The following CRYBG1 variants were observed in gnomAD, a reference collection of about 807,000 sequenced individuals.
CRYBG1 encodes beta/gamma crystallin domain-containing protein 1.
Under a neutral mutation model 189.2 loss-of-function variants are expected in CRYBG1, and 139 were observed. The observed-to-expected ratio is 0.73, with a 90% CI of 0.64 to 0.85. CRYBG1 has a LOEUF of 0.85. CRYBG1 is among the 40% of genes least tolerant of loss of function. The probability of loss-of-function intolerance (pLI) is 0.00; values close to 1 mark genes in which losing one functional copy is unlikely to be tolerated. For synonymous variants in CRYBG1, 1,023 were observed against 1,017.1 expected, an observed-to-expected ratio of 1.01 and a Z score of -0.11; for missense variants, 2,611 against 2,675.8, an observed-to-expected ratio of 0.98 and a Z score of 0.53.
At chr6:106,515,204 A>G (rs1377297769) in intron 3 of CRYBG1, among the ~76,000 whole-genome samples, 5 of 152,344 alleles carry the variant, frequency 3.3e-5, no homozygotes, top group Non-Finnish European at 7.4e-5. Context: ...TTTTCCTCTT[A>G]TAATATAACT....
At chr6:106,537,596 A>T (rs570724163) in intron 8 of CRYBG1, among the ~76,000 whole-genome samples, 1 of 152,324 alleles carries the variant, frequency 6.6e-6, no homozygotes, top group Non-Finnish European at 1.5e-5. Flanking sequence ...TTTTTGAAGC[A>T]TAACATTTGT....
chr6:106,437,036 T>C (rs1276052066), intron 1 of CRYBG1, among the ~76,000 whole-genome samples: 1 of 152,022 alleles, frequency 6.6e-6, no homozygotes. Flanking sequence ...ACAAGATTCG[T>C]TTGAGACTGC....
chr6:106,456,150 CTTGTTTTTGTT>C (rs1771884084), intron 2 of CRYBG1, among the ~76,000 whole-genome samples: 1 of 152,090 alleles, frequency 6.6e-6, no homozygotes, highest in Non-Finnish European at 1.5e-5. Flanking sequence ...TTTTTGACAG[CTTGTTTTTGTT>C]TTTGTTTTTT....
chr6:106,542,961 T>C (rs934063797), intron 10 of CRYBG1, among the ~76,000 whole-genome samples: 1 of 149,692 alleles, frequency 6.7e-6, no homozygotes, highest in Non-Finnish European at 1.5e-5. Flanking sequence ...GTTAATTTTT[T>C]AAAATATGAT....
At chr6:106,544,463 C>A in intron 11 of CRYBG1, 108 bp from the exon 12 acceptor site, 1 of 1,275,556 alleles carries the variant, frequency 7.8e-7, no homozygotes, top group Non-Finnish European at 1.1e-6. Context: ...AGCAGAAGGT[C>A]ATGTCTAGCT....
intron 11 of CRYBG1, among the ~76,000 whole-genome samples, chr6:106,544,133 A>C (rs17067226): frequency 0.033 from 5,013 of 152,358 alleles, 281 homozygotes; most frequent in East Asian, 0.19. Flanking sequence ...GCTATTGAAC[A>C]GTTTGATAGT....
chr6:106,527,079 A>G (rs1773757331), intron 6 of CRYBG1, among the ~76,000 whole-genome samples: 1 of 151,840 alleles, frequency 6.6e-6, no homozygotes, highest in Non-Finnish European at 1.5e-5. Flanking sequence ...CATATAGGTA[A>G]CTCCAAAGTT....
At chr6:106,398,768 A>G (rs1770664151) in intron 1 of CRYBG1, among the ~76,000 whole-genome samples, 1 of 151,866 alleles carries the variant, frequency 6.6e-6, no homozygotes, top group South Asian at 2.1e-4. Context: ...TCTCTTTTTC[A>G]TATCTTCTTA....
At chr6:106,559,324 T>C (rs1774640648) in intron 18 of CRYBG1, among the ~76,000 whole-genome samples, 1 of 152,192 alleles carries the variant, frequency 6.6e-6, no homozygotes, top group African/African-American at 2.4e-5. Flanking sequence ...TGGAAAGATT[T>C]TTTTCCCCTC....
chr6:106,563,872 T>C lies in CRYBG1; in HGVS notation c.6247T>C (p.Ser2083Pro). The change falls in exon 21 of 22, where the codon TCC becomes CCC. Residue 2083 changes from serine to proline, a missense_variant. Ser to Pro is a moderately conservative substitution (Grantham distance 74). Coordinates refer to ENST00000633556, the MANE Select transcript of CRYBG1 (RefSeq NM_001371242.2). ...NADSQFWSLK[S>P]DGRIYSKLKP... ...TGACAGCCAGTTCTGGAGCTTGAAG[T>C]CCGATGGCAGGATTTACAGCAAGTT... The C allele has an allele frequency of 6.2e-7, 1 of 1,613,594 alleles. No individual in the cohort carries two copies. The highest frequency in any genetic ancestry group is 8.5e-7 in the Non-Finnish European group (1 of 1,179,514).
chr6:106,433,729 A>ATATG (rs1562305734), intron 1 of CRYBG1, among the ~76,000 whole-genome samples: 1 of 55,168 alleles, frequency 1.8e-5, no homozygotes, highest in African/African-American at 8.7e-5. Context: ...ATATATATAT[A>ATATG]TATATACATA....
At chr6:106,433,749 A>G (rs1771391820) in intron 1 of CRYBG1, among the ~76,000 whole-genome samples, 1 of 29,598 alleles carries the variant, frequency 3.4e-5, no homozygotes, top group African/African-American at 1.4e-4. Context: ...ATATATGTAT[A>G]TATATATGTG....
intron 1 of CRYBG1, among the ~76,000 whole-genome samples, chr6:106,446,774 C>A (rs990700330): frequency 7.2e-5 from 11 of 152,146 alleles, no homozygotes; most frequent in African/African-American, 2.4e-4. Flanking sequence ...TAAAGAGGCC[C>A]GCCCCCTTCT....
chr6:106,402,787 G>T (rs990768691), intron 1 of CRYBG1, among the ~76,000 whole-genome samples: 3 of 152,140 alleles, frequency 2.0e-5, no homozygotes, highest in Non-Finnish European at 2.9e-5. Context: ...TGACCACCGA[G>T]CCCTTGATCT....
At chr6:106,547,527 G>T (rs1774293410) in intron 13 of CRYBG1, among the ~76,000 whole-genome samples, 1 of 152,176 alleles carries the variant, frequency 6.6e-6, no homozygotes, top group Non-Finnish European at 1.5e-5. Context: ...TAGGAAGGCT[G>T]AGATGAGCCA....
At chr6:106,479,866 C>G (rs945116421) in intron 2 of CRYBG1, among the ~76,000 whole-genome samples, 2 of 152,128 alleles carry the variant, frequency 1.3e-5, no homozygotes, top group South Asian at 2.1e-4. Context: ...TGTGGATTCT[C>G]TTTGCATTTT....
chr6:106,549,596 T>A lies in CRYBG1; in HGVS notation c.5313-2256T>A, dbSNP rs971935419. 2.0e-5 allele frequency among the ~76,000 whole-genome samples: 3 copies of A among 148,306 alleles called. No homozygotes were observed. The Admixed American group carries it at 2.0e-4, about 10-fold the overall frequency. ...TCTACTAAAAAAAATAAAAAATAAATAAAAATAAAAAAGAACAGGTTTTAA... is the reference window on the plus strand; with the variant it reads ...TCTACTAAAAAAAATAAAAAATAAAAAAAAATAAAAAAGAACAGGTTTTAA... On this transcript the variant is annotated intron_variant, in intron 13 of 21. Transcript: ENST00000633556.
intron 1 of CRYBG1, among the ~76,000 whole-genome samples, chr6:106,361,983 T>TC (rs1771882292): frequency 7.2e-6 from 1 of 138,082 alleles, no homozygotes; most frequent in Non-Finnish European, 1.6e-5. Context: ...TTTTTTTTTT[T>TC]TTTCTGAGAC....
At chr6:106,464,415 C>G (rs1772071680) in intron 2 of CRYBG1, among the ~76,000 whole-genome samples, 1 of 151,812 alleles carries the variant, frequency 6.6e-6, no homozygotes, top group African/African-American at 2.4e-5. Context: ...ATTGCTTGAA[C>G]CCGGGAGGCA....
Sources: gnomAD v4.1 joint callset for allele counts (sites outside exome capture counted in the v4.1 genomes callset) on GRCh38, gnomAD v4.1.1 for gene constraint, MANE v1.5 for transcripts, NCBI Gene and HGNC (gene_info 2026-07-23, HGNC 2026-07-21) for gene names.